LARGE1: variants seen among roughly 807,000 people sequenced by gnomAD.
LARGE1 encodes the protein xylosyl- and glucuronyltransferase LARGE1.
A neutral mutation model predicts 87.6 loss-of-function variants in LARGE1; 43 were observed. The observed-to-expected ratio is 0.49, with a 90% confidence interval of 0.38 to 0.63. The LOEUF (loss-of-function observed/expected upper bound fraction) is 0.63. LARGE1 is among the 30% of genes least tolerant of loss of function. The pLI is 0.00. For missense variants in LARGE1, 802 were observed against 1,000.2 expected (o/e 0.80, Z 2.67); for synonymous variants, 434 against 394.6 (o/e 1.10, Z -1.18).
rs578053723 is a variant in LARGE1, at chr22:33,644,433, T to A, written c.408+5934A>T. Among the ~76,000 whole-genome samples the A allele has an allele frequency of 2.6e-5, 4 of 152,322 alleles. No homozygotes were observed. The South Asian group carries it at 8.3e-4, about 32-fold the overall frequency. ...ATCTCAAAATAACAAGAGCTATTTATGACAAACCCACAGCCAATATCATAC... is the reference window on the plus strand; with the variant it reads ...ATCTCAAAATAACAAGAGCTATTTAAGACAAACCCACAGCCAATATCATAC... On this transcript the variant is annotated intron_variant, in intron 3 of 14. Transcript: ENST00000397394.
At chr22:33,635,334 C>T (rs1159454684) in intron 3 of LARGE1, among the ~76,000 whole-genome samples, 1 of 152,120 alleles carries the variant, frequency 6.6e-6, no homozygotes. Flanking sequence ...AGCAGTTCTG[C>T]TGTTCAGCCT....
intron 7 of LARGE1, among the ~76,000 whole-genome samples, chr22:33,417,461 G>C (rs932624118): frequency 4.6e-5 from 7 of 152,190 alleles, no homozygotes; most frequent in African/African-American, 1.7e-4. Flanking sequence ...ACCAGATAGG[G>C]ACATAGGAAC....
chr22:33,834,958 A>G (rs2146361134), intron 1 of LARGE1, among the ~76,000 whole-genome samples: 1 of 152,318 alleles, frequency 6.6e-6, no homozygotes, highest in African/African-American at 2.4e-5. Flanking sequence ...TTTAGAAATG[A>G]TACAGTTAGC....
At chr22:33,553,441 A>C (rs929153654) in intron 6 of LARGE1, among the ~76,000 whole-genome samples, 8 of 145,042 alleles carry the variant, frequency 5.5e-5, no homozygotes, top group Non-Finnish European at 7.6e-5. Context: ...CCTTGAGTCC[A>C]GGAATTTCAG....
At position 33,309,590 on chromosome 22, in the gene LARGE1, C is replaced by T. The variant is rs1163244086; in HGVS notation, c.1452-5083G>A. Among the ~76,000 whole-genome samples the T allele has an allele frequency of 6.6e-5, 10 of 152,308 alleles. No individual in the cohort carries two copies. In the East Asian group the frequency reaches 1.9e-3, roughly 29 times the overall value. On this transcript the variant is annotated intron_variant, in intron 11 of 14. Transcript: ENST00000397394. ...CGCCAGACACCAAATCGACCGAAGCCTTGATCTTGGACTTCCAGCCTCCAG... is the reference window on the plus strand; with the variant it reads ...CGCCAGACACCAAATCGACCGAAGCTTTGATCTTGGACTTCCAGCCTCCAG...
At chr22:33,607,612 G>A in intron 4 of LARGE1, among the ~76,000 whole-genome samples, 1 of 152,124 alleles carries the variant, frequency 6.6e-6, no homozygotes, top group Non-Finnish European at 1.5e-5. Context: ...CAGCGGCAAT[G>A]GCTCCAGGAC....
intron 6 of LARGE1, among the ~76,000 whole-genome samples, chr22:33,557,848 C>T (rs988028429): frequency 1.3e-5 from 2 of 151,854 alleles, no homozygotes; most frequent in Non-Finnish European, 3.0e-5. Flanking sequence ...ATTATGGGCA[C>T]GAGCCACTAA....
intron 7 of LARGE1, among the ~76,000 whole-genome samples, chr22:33,397,192 C>T (rs191790484): frequency 5.9e-5 from 9 of 152,120 alleles, no homozygotes; most frequent in Admixed American, 4.6e-4. Flanking sequence ...CTCTTTTCAC[C>T]GCAACCTCTG....
At chr22:33,575,653 A>G (rs900081036) in intron 5 of LARGE1, among the ~76,000 whole-genome samples, 18 of 152,366 alleles carry the variant, frequency 1.2e-4, no homozygotes, top group Non-Finnish European at 2.2e-4. Flanking sequence ...TTATTCAGAC[A>G]TACAACCCTA....
At chr22:33,539,127 A>G (rs1283240711) in intron 6 of LARGE1, among the ~76,000 whole-genome samples, 3 of 152,224 alleles carry the variant, frequency 2.0e-5, no homozygotes, top group Non-Finnish European at 4.4e-5. Context: ...ATACATACAC[A>G]CATATGTCTT....
At chr22:33,489,559 C>A (rs2069734071) in intron 6 of LARGE1, among the ~76,000 whole-genome samples, 1 of 152,088 alleles carries the variant, frequency 6.6e-6, no homozygotes, top group African/African-American at 2.4e-5. Flanking sequence ...TAAATCTCAC[C>A]AGATCTGATG....
In LARGE1 at chr22:33,516,298, G is replaced by A. The variant is rs563077341; in HGVS notation, c.787+48550C>T. On this transcript the variant is annotated intron_variant, in intron 6 of 14. Transcript: ENST00000397394. ...GACGAAGGCAGGCAAGACATCCAGC[G>A]GGCTGAAATAGTGTGAGGATGTGGG... Among the ~76,000 whole-genome samples the A allele has an allele frequency of 6.6e-5, 10 of 152,180 alleles. No individual in the cohort carries two copies. In the South Asian group the frequency reaches 8.3e-4, roughly 13 times the overall value.
intron 1 of LARGE1, among the ~76,000 whole-genome samples, chr22:33,795,129 T>G (rs374791025): frequency 2.0e-5 from 3 of 152,314 alleles, no homozygotes; most frequent in African/African-American, 7.2e-5. Flanking sequence ...GTCTCCGTCT[T>G]TGTAAACTGT....
At chr22:33,191,756 G>A (rs1205425122) in intron 11 of LARGE1, among the ~76,000 whole-genome samples, 4 of 152,100 alleles carry the variant, frequency 2.6e-5, no homozygotes, top group African/African-American at 9.7e-5. Context: ...CCCTTTCAGC[G>A]TCCATGTTTC....
chr22:33,104,929 TTCTTTCTTTCTTTCTTTCTCTTTC>T, the LARGE1 span, among the ~76,000 whole-genome samples: 10 of 100,030 alleles, frequency 1.0e-4, no homozygotes, highest in South Asian at 3.5e-4. Context: ...CTTTCTTTCT[TTCTTTCTTTCTTTCTTTCTCTTTC>T]TCTCTTTCTC....
At chr22:33,416,083 C>G (rs2066475907) in intron 7 of LARGE1, among the ~76,000 whole-genome samples, 1 of 152,198 alleles carries the variant, frequency 6.6e-6, no homozygotes, top group Non-Finnish European at 1.5e-5. Flanking sequence ...TCTCGTGAGT[C>G]TACACTGATG....
At chr22:33,903,802 T>G (rs2065354937) in intron 1 of LARGE1, among the ~76,000 whole-genome samples, 1 of 152,082 alleles carries the variant, frequency 6.6e-6, no homozygotes, top group Non-Finnish European at 1.5e-5. Flanking sequence ...CCTAGCCTGG[T>G]GACAGAGCGA....
intron 1 of LARGE1, among the ~76,000 whole-genome samples, chr22:33,825,916 G>C (rs1274134533): frequency 2.0e-5 from 3 of 152,062 alleles, no homozygotes; most frequent in East Asian, 1.9e-4. Flanking sequence ...ACAAGGCTGG[G>C]AGACAGAAAC....
At chr22:33,255,288 A>G (rs1197903981) in intron 11 of LARGE1, among the ~76,000 whole-genome samples, 1 of 152,130 alleles carries the variant, frequency 6.6e-6, no homozygotes, top group Non-Finnish European at 1.5e-5. Flanking sequence ...TAACTTTCAC[A>G]TTCAGTAATA....
Sources: gnomAD v4.1 joint callset for allele counts (sites outside exome capture counted in the v4.1 genomes callset) on GRCh38, gnomAD v4.1.1 for gene constraint, MANE v1.5 for transcripts, NCBI Gene and HGNC (gene_info 2026-07-23, HGNC 2026-07-21) for gene names.